TRIOBP: variants seen among roughly 807,000 people sequenced by gnomAD.
The protein encoded by TRIOBP is TRIO and F-actin binding protein, also known as TRIO and F-actin-binding protein.
Under a neutral mutation model 238.8 loss-of-function variants are expected in TRIOBP, and 169 were observed. The observed-to-expected ratio is 0.71, with a 90% CI of 0.62 to 0.80. TRIOBP has a LOEUF of 0.80. Ranked by LOEUF, TRIOBP falls within the 30% of genes least tolerant of loss-of-function variation. The probability of loss-of-function intolerance (pLI) is 0.00; values close to 1 mark genes in which losing one functional copy is unlikely to be tolerated. For synonymous variants in TRIOBP, 1,150 were observed against 1,274.4 expected, an observed-to-expected ratio of 0.90 and a Z score of 2.08; for missense variants, 2,838 against 3,122.6, an observed-to-expected ratio of 0.91 and a Z score of 2.17.
intron 11 of TRIOBP, among the ~76,000 whole-genome samples, chr22:37,746,060 T>TCCCGCCGC (rs1290333308): frequency 3.6e-4 from 46 of 128,828 alleles, no homozygotes; most frequent in African/African-American, 9.8e-4. Context: ...CGTCCCGCCG[T>TCCCGCCGC]CCCGCCGCCC....
chr22:37,757,568 T>C, intron 15 of TRIOBP, 45 bp from the exon 16 acceptor site: 1 of 1,547,394 alleles, frequency 6.5e-7, no homozygotes. Flanking sequence ...ATTGTGGGAC[T>C]GCAGGGGTGA....
chr22:37,712,631 G>A (rs113981457), intron 4 of TRIOBP, among the ~76,000 whole-genome samples: 21,635 of 151,504 alleles, frequency 0.14, 3,329 homozygotes, highest in African/African-American at 0.39. Context: ...CACTGCGCCC[G>A]GCCTAAAATG....
At chr22:37,710,924 T>C (rs1025151634) in intron 4 of TRIOBP, among the ~76,000 whole-genome samples, 1 of 152,228 alleles carries the variant, frequency 6.6e-6, no homozygotes, top group African/African-American at 2.4e-5. Flanking sequence ...CACAGCCTAC[T>C]CACATTTCCT....
rs969776337 is a variant in TRIOBP at position 37,707,972 on chromosome 22, C to T, written c.115-2455C>T. On this transcript the variant is annotated intron_variant, in intron 3 of 23. Coordinates refer to ENST00000644935, the MANE Select transcript of TRIOBP (RefSeq NM_001039141.3). ...AAAGAAAAAAAAAAAAAAGGCCGGG[C>T]GTGGTGGCTCACGGCTGTAATCCCA... is the stretch of plus-strand genomic sequence containing the variant. Among the ~76,000 whole-genome samples the T allele has an allele frequency of 7.0e-4, 87 of 123,816 alleles. 1 individual carries two copies. The highest frequency in any genetic ancestry group is 2.6e-3 in the African/African-American group (84 of 32,512). 81.2% of individuals were successfully genotyped at this position (123,816 alleles called of 152,430 possible). A position where few individuals can be genotyped will look rare whatever the true frequency, so the allele number is the denominator to read the frequency against.
chr22:37,746,036 T>C (rs1925215995), intron 11 of TRIOBP, among the ~76,000 whole-genome samples: 1 of 74,154 alleles, frequency 1.3e-5, no homozygotes, highest in Non-Finnish European at 3.0e-5. Flanking sequence ...TGCGGCCCCA[T>C]CCGCCCACCC....
At chr22:37,770,971 C>T (rs111439789) in intron 21 of TRIOBP, among the ~76,000 whole-genome samples, 8 of 152,188 alleles carry the variant, frequency 5.3e-5, no homozygotes, top group African/African-American at 1.9e-4. Flanking sequence ...CGTGAGCCAC[C>T]GCTCCTGGCC....
intron 7 of TRIOBP, 193 bp downstream of exon 7, chr22:37,726,696 T>C: frequency 1.7e-6 from 1 of 604,910 alleles, no homozygotes; most frequent in South Asian, 2.7e-5. Context: ...TGTGTGTGTG[T>C]GGTTAAGTGA....
At chr22:37,752,466 C>T (rs1925666141) in intron 12 of TRIOBP, among the ~76,000 whole-genome samples, 1 of 152,212 alleles carries the variant, frequency 6.6e-6, no homozygotes, top group Admixed American at 6.5e-5. Context: ...CAGCTCTGTT[C>T]TTTCGGCTGC....
chr22:37,729,728 T>C (rs1924334663), intron 7 of TRIOBP, among the ~76,000 whole-genome samples: 3 of 152,364 alleles, frequency 2.0e-5, no homozygotes, highest in Middle Eastern at 6.8e-3. Flanking sequence ...TCTACTCTCT[T>C]TGAAATAGCT....
At chr22:37,755,500 G>GT in intron 14 of TRIOBP, 50 bp from the exon 15 acceptor site, 4 of 1,517,764 alleles carry the variant, frequency 2.6e-6, no homozygotes, top group Non-Finnish European at 3.7e-6. Flanking sequence ...AGTGGGGAGG[G>GT]AGTCATGCGG....
At position 37,734,790 on chromosome 22, in the gene TRIOBP, A is replaced by G. The variant is rs1003051710; in HGVS notation, c.4454A>G (p.Lys1485Arg). The change falls in exon 9 of 24, where the codon AAG (lysine) becomes AGG (arginine). Residue 1485 changes from lysine to arginine, a missense_variant. By Grantham distance (26) the Lys-to-Arg change is conservative. Around this residue, in one of 5 missense-constraint regions of TRIOBP, gnomAD observed 2,096 missense variants for 2,137.4 expected, o/e 0.98. Transcript: ENST00000644935. ...GAWGGTSREY[K>R]ESWGQPEAWE... ...TGGGGGGGCACTTCCAGGGAGTACA[A>G]GGAGAGCTGGGGGCAGCCAGAGGCC... 16 of 1,612,278 alleles carry G rather than the reference A, an allele frequency of 9.9e-6. No individual in the cohort carries two copies. The highest frequency in any genetic ancestry group is 1.4e-5 in the Non-Finnish European group (16 of 1,179,742).
At chr22:37,712,536 T>C (rs930770267) in intron 4 of TRIOBP, among the ~76,000 whole-genome samples, 8 of 152,072 alleles carry the variant, frequency 5.3e-5, no homozygotes, top group Admixed American at 5.2e-4. Context: ...GGTTTCACCA[T>C]GTTGGACAGG....
chr22:37,739,941 C>G (rs1457219415), intron 10 of TRIOBP, among the ~76,000 whole-genome samples: 1 of 152,202 alleles, frequency 6.6e-6, no homozygotes, highest in Non-Finnish European at 1.5e-5. Flanking sequence ...GCAGCCTTGA[C>G]TGGTCAGAAC....
intron 3 of TRIOBP, among the ~76,000 whole-genome samples, chr22:37,704,044 G>T (rs1369086660): frequency 6.6e-6 from 1 of 152,024 alleles, no homozygotes; most frequent in Non-Finnish European, 1.5e-5. Context: ...TACTGAATAG[G>T]TGCTTAAAAT....
At chr22:37,750,108 G>A (rs368637327) in intron 11 of TRIOBP, among the ~76,000 whole-genome samples, 1 of 152,212 alleles carries the variant, frequency 6.6e-6, no homozygotes, top group Non-Finnish European at 1.5e-5. Context: ...AGCTGCGGGA[G>A]GGGAGGACCG....
chr22:37,710,291 T>C, intron 3 of TRIOBP, 136 bp from the exon 4 acceptor site: 1 of 1,348,950 alleles, frequency 7.4e-7, no homozygotes, highest in Non-Finnish European at 1.0e-6. Flanking sequence ...TCTAGCCTGA[T>C]GGGCAGCTCC....
intron 4 of TRIOBP, among the ~76,000 whole-genome samples, chr22:37,712,989 TAAATAAA>T (rs963426985): frequency 6.9e-6 from 1 of 145,214 alleles, no homozygotes; most frequent in African/African-American, 2.5e-5. Context: ...AATAAATAAA[TAAATAAA>T]TAATAAAATT....
At chr22:37,745,511 G>C (rs183440533) in intron 11 of TRIOBP, among the ~76,000 whole-genome samples, 3 of 152,216 alleles carry the variant, frequency 2.0e-5, no homozygotes, top group Admixed American at 2.0e-4. Flanking sequence ...CAGCGTTCTG[G>C]GAACCTGAGC....
chr22:37,748,828 A>T (rs1397908592), intron 11 of TRIOBP, among the ~76,000 whole-genome samples: 1 of 152,164 alleles, frequency 6.6e-6, no homozygotes. Context: ...GTGGCCATTA[A>T]GCTGGGTCTT....
Sources: allele counts gnomAD v4.1 joint callset (sites outside exome capture counted in the v4.1 genomes callset), GRCh38; gene constraint gnomAD v4.1.1; regional missense constraint gnomAD v4.1.1; transcripts MANE v1.5; gene names NCBI Gene and HGNC (gene_info 2026-07-23, HGNC 2026-07-21).